The following PTGES3 variants were observed in gnomAD, a reference collection of about 807,000 sequenced individuals.
PTGES3 encodes prostaglandin E synthase 3, also known as Hsp90 co-chaperone.
PTGES3 carries 5 observed loss-of-function variants against 29.9 expected under a neutral mutation model. That is an observed-to-expected ratio of 0.17 (90% CI 0.09 to 0.35). The LOEUF (loss-of-function observed/expected upper bound fraction) is 0.35, where lower values mean the gene tolerates loss of function less well. Ranked by LOEUF, PTGES3 falls within the 10% of genes least tolerant of loss-of-function variation. PTGES3 has a pLI of 1.00. For missense variants in PTGES3, 128 were observed against 190.0 expected (o/e 0.67, Z 1.92); for synonymous variants, 49 against 57.8 (o/e 0.85, Z 0.69).
chr12:56,675,940 C>T (rs1952219048), intron 1 of PTGES3, among the ~76,000 whole-genome samples: 1 of 151,670 alleles, frequency 6.6e-6, no homozygotes, highest in Non-Finnish European at 1.5e-5. Flanking sequence ...AACACAAAAA[C>T]TGCAGACCAG....
chr12:56,683,978 A>G (rs1217844334), intron 1 of PTGES3, among the ~76,000 whole-genome samples: 1 of 151,680 alleles, frequency 6.6e-6, no homozygotes, highest in Non-Finnish European at 1.5e-5. Flanking sequence ...AAAACAAAAA[A>G]AACAAACAAA....
chr12:56,688,273 A>AG lies in PTGES3; in HGVS notation c.-275dup, dbSNP rs1952986209. ...GAATGAACGTGCGTGCGTGCAAACG[A>AG]GGGGTGGTGAGGCCGGGCGGCGGCT... On this transcript the variant is annotated 5_prime_UTR_variant, in exon 1 of 8. Transcript: ENST00000262033. 5 of 497,612 alleles carry AG rather than the reference A, an allele frequency of 1.0e-5. No individual in the cohort carries two copies. The highest frequency in any genetic ancestry group is 3.6e-5 in the East Asian group (1 of 27,544). The allele number at this position is 497,612 out of a possible 1,614,324, so 30.8% of individuals were successfully genotyped here.
At chr12:56,666,091 T>C (rs550221208) in intron 6 of PTGES3, 113 bp downstream of exon 6, 3 of 1,400,402 alleles carry the variant, frequency 2.1e-6, no homozygotes, top group Admixed American at 6.4e-5. Context: ...CCTTTTCTTT[T>C]TTTTTAGAAA....
At chr12:56,669,707 G>A (rs930267091) in intron 5 of PTGES3, among the ~76,000 whole-genome samples, 3 of 152,108 alleles carry the variant, frequency 2.0e-5, no homozygotes, top group Non-Finnish European at 4.4e-5. Flanking sequence ...TGCCTCCAGC[G>A]TTCAAGCAAT....
Position 56,670,334 on chromosome 12 carries a change from AATTAT to A in PTGES3, c.311_315del (p.Asn104MetfsTer7). 6.2e-7 allele frequency: 1 copy of A among 1,613,468 alleles called. No individual in the cohort carries two copies. Among genetic ancestry groups the A allele is most frequent in the Non-Finnish European group, 8.5e-7 (1 of 1,179,370 alleles). On this transcript the variant is annotated frameshift_variant, in exon 5 of 8. Transcript: ENST00000262033. LOFTEE classifies it high-confidence loss of function. ...TCTGAATCATCTTCCCAGTCTTTCC[AATTAT>A]TGAAGTCGACACTAAGCCAATTAAG...
At chr12:56,664,901 A>T in intron 6 of PTGES3, 101 bp from the exon 7 acceptor site, 1 of 1,523,304 alleles carries the variant, frequency 6.6e-7, no homozygotes, top group Non-Finnish European at 8.8e-7. Flanking sequence ...TGACTAAAGT[A>T]GCACAGGTAG....
intron 1 of PTGES3, among the ~76,000 whole-genome samples, chr12:56,674,300 T>C (rs1304591378): frequency 6.6e-6 from 1 of 152,140 alleles, no homozygotes; most frequent in Non-Finnish European, 1.5e-5. Flanking sequence ...AAGAAACTAA[T>C]CCTGCTGACA....
In PTGES3 at chr12:56,663,508, T is replaced by C. The variant is rs1035803438; in HGVS notation, c.*971A>G. ...CCTCTTTTTTCAAACAGAGGAATAATCCCAAATTCTTCCTCAAATAAACTC... is the reference window on the plus strand; with the variant it reads ...CCTCTTTTTTCAAACAGAGGAATAACCCCAAATTCTTCCTCAAATAAACTC... On this transcript the variant is annotated 3_prime_UTR_variant, in exon 8 of 8. Coordinates refer to ENST00000262033, the MANE Select transcript of PTGES3 (RefSeq NM_006601.7). The C allele has an allele frequency of 1.0e-4, 16 of 152,440 alleles. No homozygotes were observed. The highest frequency in any genetic ancestry group is 3.9e-4 in the African/African-American group (16 of 41,456). The allele number at this position is 152,440 out of a possible 1,614,324, so 9.4% of individuals were successfully genotyped here. A position where few individuals can be genotyped will look rare whatever the true frequency, so the allele number is the denominator to read the frequency against.
chr12:56,684,617 A>C (rs1340757903), intron 1 of PTGES3, among the ~76,000 whole-genome samples: 3 of 152,220 alleles, frequency 2.0e-5, no homozygotes, highest in Admixed American at 2.0e-4. Flanking sequence ...AGGAAAAACA[A>C]CAACTTCCAA....
chr12:56,669,562 C>A (rs904771886), intron 5 of PTGES3, among the ~76,000 whole-genome samples: 1 of 151,944 alleles, frequency 6.6e-6, no homozygotes, highest in Non-Finnish European at 1.5e-5. Context: ...GGATTACAGG[C>A]GTGAGCCACC....
rs74665284 is a variant in PTGES3 at position 56,682,317 on chromosome 12, G to A, written c.2+5681C>T. ...CAAGTGGCTCCAATTCCAGCACTCT[G>A]GGAGGCTGAGGAGGGAAGACTGCTT... is the stretch of plus-strand genomic sequence containing the variant. On this transcript the variant is annotated intron_variant, in intron 1 of 7. Transcript: ENST00000262033. Among the ~76,000 whole-genome samples, 84 of 152,280 alleles carry A rather than the reference G, an allele frequency of 5.5e-4. 2 individuals carry two copies. The East Asian group carries it at 0.016, about 29-fold the overall frequency.
At chr12:56,673,768 G>A (rs1389403707) in intron 1 of PTGES3, among the ~76,000 whole-genome samples, 1 of 140,638 alleles carries the variant, frequency 7.1e-6, no homozygotes, top group Non-Finnish European at 1.5e-5. Context: ...ACTCCAGCCT[G>A]GCAACAGAGC....
chr12:56,664,375 A>G lies in PTGES3; in HGVS notation c.*104T>C. 1.2e-5 allele frequency: 16 copies of G among 1,330,006 alleles called. No individual in the cohort carries two copies. Among genetic ancestry groups the G allele is most frequent in the Non-Finnish European group, 1.7e-5 (16 of 949,114 alleles). 82.4% of individuals were successfully genotyped at this position (1,330,006 alleles called of 1,614,324 possible). ...AAAATGGGTTAAAGTAGGCAAATAC[A>G]GCATATCTGCCTTTAGAGCTATCAA... On this transcript the variant is annotated 3_prime_UTR_variant, in exon 8 of 8. Coordinates refer to ENST00000262033, the MANE Select transcript of PTGES3 (RefSeq NM_006601.7).
chr12:56,681,989 G>A (rs2137704473), intron 1 of PTGES3, among the ~76,000 whole-genome samples: 1 of 152,152 alleles, frequency 6.6e-6, no homozygotes, highest in African/African-American at 2.4e-5. Flanking sequence ...TGGGATTACA[G>A]GCACCCGCCA....
chr12:56,684,635 AAAAT>A lies in PTGES3; in HGVS notation c.2+3359_2+3362del, dbSNP rs1474723555. Among the ~76,000 whole-genome samples, 9 of 152,210 alleles carry A rather than the reference AAAAT, an allele frequency of 5.9e-5. 1 individual carries two copies. Among genetic ancestry groups the A allele is most frequent in the East Asian group, 1.9e-4 (1 of 5,200 alleles). On this transcript the variant is annotated intron_variant, in intron 1 of 7. Coordinates refer to ENST00000262033, the MANE Select transcript of PTGES3 (RefSeq NM_006601.7). ...AAAAACAACAACTTCCAACATCTCT[AAAAT>A]AAATAAAACATTTTACTTTTTCTCT...
chr12:56,680,735 A>G (rs899721866), intron 1 of PTGES3, among the ~76,000 whole-genome samples: 23 of 151,832 alleles, frequency 1.5e-4, no homozygotes, highest in African/African-American at 5.1e-4. Flanking sequence ...GATTCAGGAT[A>G]AGTGTAGGGC....
intron 1 of PTGES3, 171 bp downstream of exon 1, chr12:56,687,827 T>C (rs926877755): frequency 1.4e-6 from 2 of 1,452,470 alleles, no homozygotes; most frequent in Middle Eastern, 1.8e-4. Flanking sequence ...GGAGGAAAAA[T>C]GTCCTCCACC....
At chr12:56,676,920 CAAAAA>C (rs34739170) in intron 1 of PTGES3, among the ~76,000 whole-genome samples, 1,458 of 50,448 alleles carry the variant, frequency 0.029, 13 homozygotes, top group South Asian at 0.083. Flanking sequence ...GATTCCGACT[CAAAAA>C]AAAAAAAAAA....
intron 1 of PTGES3, among the ~76,000 whole-genome samples, chr12:56,682,584 G>A (rs760024588): frequency 5.3e-5 from 8 of 151,752 alleles, no homozygotes; most frequent in African/African-American, 1.2e-4. Flanking sequence ...CCGGAAAACC[G>A]CAAGTTCAAA....
Sources: allele counts gnomAD v4.1 joint callset (sites outside exome capture counted in the v4.1 genomes callset), GRCh38; gene constraint gnomAD v4.1.1; transcripts MANE v1.5; gene names NCBI Gene and HGNC (gene_info 2026-07-23, HGNC 2026-07-21).